The following CDC42SE2 variants were observed in gnomAD, a reference collection of about 807,000 sequenced individuals.
CDC42SE2 encodes CDC42 small effector 2, also known as CDC42 small effector protein 2.
A neutral mutation model predicts 11.5 loss-of-function variants in CDC42SE2; 3 were observed. The ratio of observed to expected loss-of-function variants is 0.26; its 90% CI spans 0.12 to 0.67. CDC42SE2 has a LOEUF of 0.67. Ranked by LOEUF, CDC42SE2 falls within the 30% of genes least tolerant of loss-of-function variation. CDC42SE2 has a pLI of 0.80. For missense variants in CDC42SE2, 82 were observed against 106.8 expected (o/e 0.77, Z 1.02); for synonymous variants, 33 against 34.8 (o/e 0.95, Z 0.18).
intron 1 of CDC42SE2, among the ~76,000 whole-genome samples, chr5:131,314,625 A>G (rs1758002803): frequency 6.6e-6 from 1 of 152,106 alleles, no homozygotes; most frequent in African/African-American, 2.4e-5. Flanking sequence ...TGATCCTGCA[A>G]CCTTCCTAGA....
At chr5:131,210,242 C>T in the CDC42SE2 span, among the ~76,000 whole-genome samples, 2 of 152,228 alleles carry the variant, frequency 1.3e-5, no homozygotes, top group African/African-American at 2.4e-5. Context: ...CAGACTGATA[C>T]AGAGGTGCTG....
intron 4 of CDC42SE2, among the ~76,000 whole-genome samples, chr5:131,385,899 C>T (rs1418349320): frequency 6.6e-6 from 1 of 152,202 alleles, no homozygotes; most frequent in Non-Finnish European, 1.5e-5. Context: ...CGAATAAATA[C>T]TTTGAAACTT....
chr5:131,361,548 T>C (rs1749708406), intron 3 of CDC42SE2, among the ~76,000 whole-genome samples: 1 of 152,086 alleles, frequency 6.6e-6, no homozygotes, highest in South Asian at 2.1e-4. Context: ...AGGCGTGTGT[T>C]ACAGGGTGCT....
At chr5:131,352,022 C>G (rs1214816386) in intron 2 of CDC42SE2, among the ~76,000 whole-genome samples, 4 of 151,944 alleles carry the variant, frequency 2.6e-5, no homozygotes. Flanking sequence ...CATGAATGGC[C>G]AAGAAGCACA....
chr5:131,323,547 G>GT (rs1171213231), intron 2 of CDC42SE2, among the ~76,000 whole-genome samples: 1,199 of 82,582 alleles, frequency 0.015, 158 homozygotes, highest in African/African-American at 0.047. Context: ...TCTCTCTCTG[G>GT]TTTTTTTTTT....
rs547741520 is a variant in CDC42SE2 at position 131,251,065 on chromosome 5, T to A, written n.108-4030T>A. On this transcript the variant is annotated intron_variant and non_coding_transcript_variant, in intron 1 of 3. Transcript: ENST00000502840. ...AAAATTTCATTAATTTTAAATTTTTTAAATGTATTTTAAAAGAATATATAG... is the reference window on the plus strand; with the variant it reads ...AAAATTTCATTAATTTTAAATTTTTAAAATGTATTTTAAAAGAATATATAG... 4.2e-3 allele frequency among the ~76,000 whole-genome samples: 634 copies of A among 152,352 alleles called. 4 individuals are homozygous for A. The highest frequency in any genetic ancestry group is 0.013 in the African/African-American group (550 of 41,586).
intron 1 of CDC42SE2, among the ~76,000 whole-genome samples, chr5:131,274,300 T>C (rs1224314750): frequency 6.6e-6 from 1 of 152,222 alleles, no homozygotes; most frequent in Non-Finnish European, 1.5e-5. Context: ...CAACTCCATC[T>C]TTCAGTTTCT....
intron 2 of CDC42SE2, among the ~76,000 whole-genome samples, chr5:131,342,627 A>G (rs1020000367): frequency 1.4e-5 from 2 of 147,812 alleles, no homozygotes; most frequent in African/African-American, 5.0e-5. Flanking sequence ...TGACCTTGTG[A>G]TTTGCCCGCC....
chr5:131,336,761 A>T (rs245798), intron 2 of CDC42SE2, among the ~76,000 whole-genome samples: 2 of 151,964 alleles, frequency 1.3e-5, no homozygotes, highest in Non-Finnish European at 2.9e-5. Flanking sequence ...AGTTGATCGC[A>T]TCGGTTACTG....
chr5:131,344,935 T>A (rs1283127697), intron 2 of CDC42SE2, among the ~76,000 whole-genome samples: 1 of 152,038 alleles, frequency 6.6e-6, no homozygotes, highest in South Asian at 2.1e-4. Flanking sequence ...CAGCTGAGGG[T>A]CCTGACTGTT....
chr5:131,339,246 GAA>G (rs34594352), intron 2 of CDC42SE2, among the ~76,000 whole-genome samples: 33 of 28,236 alleles, frequency 1.2e-3, no homozygotes, highest in African/African-American at 3.1e-3. Context: ...GACTCTGTCT[GAA>G]AAAAAAAAAA....
At chr5:131,307,287 G>T (rs1397697990) in intron 1 of CDC42SE2, among the ~76,000 whole-genome samples, 1 of 138,302 alleles carries the variant, frequency 7.2e-6, no homozygotes, top group Non-Finnish European at 1.5e-5. Flanking sequence ...TCATTGTTCA[G>T]TTCCCACCTA....
At chr5:131,283,702 A>G (rs1757286347) in intron 1 of CDC42SE2, among the ~76,000 whole-genome samples, 1 of 151,914 alleles carries the variant, frequency 6.6e-6, no homozygotes, top group Admixed American at 6.6e-5. Flanking sequence ...CATGTTGTTC[A>G]GGCTGGTCTT....
chr5:131,215,701 A>T, the CDC42SE2 span, among the ~76,000 whole-genome samples: 2 of 152,252 alleles, frequency 1.3e-5, no homozygotes, highest in South Asian at 4.1e-4. Context: ...ACGACCTCTC[A>T]TTCAAAAACC....
chr5:131,345,601 C>A (rs924729966), intron 2 of CDC42SE2, among the ~76,000 whole-genome samples: 1 of 152,086 alleles, frequency 6.6e-6, no homozygotes, highest in African/African-American at 2.4e-5. Flanking sequence ...GAGAACTTCC[C>A]CAACCTAGCA....
the CDC42SE2 span, among the ~76,000 whole-genome samples, chr5:131,227,494 A>G: frequency 6.6e-6 from 1 of 152,292 alleles, no homozygotes; most frequent in East Asian, 1.9e-4. Context: ...TAATAAATAA[A>G]TAAATTCTGT....
the CDC42SE2 span, among the ~76,000 whole-genome samples, chr5:131,219,049 T>C: frequency 2.6e-5 from 4 of 152,326 alleles, no homozygotes; most frequent in East Asian, 7.7e-4. Flanking sequence ...CTAGCAATAG[T>C]CTATATTTTG....
intron 1 of CDC42SE2, among the ~76,000 whole-genome samples, chr5:131,311,975 T>C (rs1757927346): frequency 6.6e-6 from 1 of 152,246 alleles, no homozygotes; most frequent in Non-Finnish European, 1.5e-5. Context: ...AGCTTTGTTC[T>C]GTTGCTGGTG....
rs1750741645 is a variant in CDC42SE2, at chr5:131,393,623, T to TG, written c.*2533dup. ...TGGCCAGGGACATTGCTATGTGCTG[T>TG]GTGCAAGCTCTTTAGAAGAGAGATT... On this transcript the variant is annotated 3_prime_UTR_variant, in exon 5 of 5. Coordinates refer to ENST00000505065, the MANE Select transcript of CDC42SE2 (RefSeq NM_001375635.1). 6.6e-6 allele frequency: 1 copy of TG among 152,384 alleles called. No homozygotes were observed. Among genetic ancestry groups the TG allele is most frequent in the African/African-American group, 2.4e-5 (1 of 41,466 alleles). The allele number at this position is 152,384 out of a possible 1,614,324, so 9.4% of individuals were successfully genotyped here.
Sources: allele counts gnomAD v4.1 joint callset (sites outside exome capture counted in the v4.1 genomes callset), GRCh38; gene constraint gnomAD v4.1.1; transcripts MANE v1.5; gene names NCBI Gene and HGNC (gene_info 2026-07-23, HGNC 2026-07-21).